The following ITPR2 variants were observed in gnomAD, a reference collection of about 807,000 sequenced individuals.
The protein encoded by ITPR2 is inositol 1,4,5-trisphosphate-gated calcium channel ITPR2.
A neutral mutation model predicts 317.1 loss-of-function variants in ITPR2; 207 were observed. The ratio of observed to expected loss-of-function variants is 0.65; its 90% CI spans 0.58 to 0.73. ITPR2 has a LOEUF of 0.73. Ranked by LOEUF, ITPR2 falls within the 30% of genes least tolerant of loss-of-function variation. The pLI is 0.00. For missense variants in ITPR2, 2,613 were observed against 3,284.0 expected, an observed-to-expected ratio of 0.80 and a Z score of 4.99; for synonymous variants, 1,156 against 1,149.1, an observed-to-expected ratio of 1.01 and a Z score of -0.12.
At chr12:26,662,136 T>G (rs1947518654) in intron 15 of ITPR2, among the ~76,000 whole-genome samples, 1 of 152,208 alleles carries the variant, frequency 6.6e-6, no homozygotes, top group South Asian at 2.1e-4. Flanking sequence ...CAGACCTTTC[T>G]TACTCTTCAA....
At chr12:26,695,572 T>C (rs779917477) in intron 10 of ITPR2, 34 bp downstream of exon 10, 1 of 1,557,728 alleles carries the variant, frequency 6.4e-7, no homozygotes, top group Admixed American at 1.7e-5. Context: ...AACAATATGC[T>C]GAGATTTGTT....
rs1278441841 is a variant in ITPR2 at position 26,782,021 on chromosome 12, TATATATATATATGTATAGAG to T, written c.163+8116_163+8135del. 1.3e-3 allele frequency among the ~76,000 whole-genome samples: 37 copies of T among 29,334 alleles called. 2 individuals carry two copies. The highest frequency in any genetic ancestry group is 3.3e-3 in the African/African-American group (30 of 9,216). The allele number at this position is 29,334 out of a possible 152,430, so 19.2% of individuals were successfully genotyped here. On this transcript the variant is annotated intron_variant, in intron 2 of 56. Coordinates refer to ENST00000381340, the MANE Select transcript of ITPR2 (RefSeq NM_002223.4). The stretch of plus-strand genomic sequence containing the variant: ...ATATATATATATATATATATATATA[TATATATATATATGTATAGAG>T]AGAGAGAGAGAGAGAGAGAGAGAGA...
chr12:26,657,718 A>G lies in ITPR2; in HGVS notation c.2181T>C (p.Leu727=), dbSNP rs777318567. ...KEGTKADLEV[L]TYYRYQLNLF... Reference sequence around the variant, plus strand: ...CTATAATACTTAACCTGTAATAGGTAAGAACTTCTAAGTCAGCTTTGGTGC... The same window carrying G: ...CTATAATACTTAACCTGTAATAGGTGAGAACTTCTAAGTCAGCTTTGGTGC... Residue 727 remains leucine (L), a synonymous_variant, in exon 18 of 57, where the codon CTT becomes CTC. Coordinates refer to ENST00000381340, the MANE Select transcript of ITPR2 (RefSeq NM_002223.4). 8.0e-5 allele frequency: 129 copies of G among 1,613,780 alleles called. No individual in the cohort carries two copies. Among genetic ancestry groups the G allele is most frequent in the Non-Finnish European group, 1.0e-4 (123 of 1,179,792 alleles).
At position 26,550,306 on chromosome 12, in the gene ITPR2, T is replaced by C. The variant is rs544298857; in HGVS notation, c.5014A>G (p.Ile1672Val). 1.3e-6 allele frequency: 2 copies of C among 1,549,682 alleles called. No individual in the cohort carries two copies. The highest frequency in any genetic ancestry group is 1.4e-5 in the African/African-American group (1 of 73,528). Residue 1672 changes from isoleucine (I) to valine (V), a missense_variant, in exon 37 of 57, where the codon ATT becomes GTT. Transcript: ENST00000381340. ...KLMEKEEKLC[I>V]KILQTLREML... ...TCTCGTAATGTCTGAAGAATTTTAATGCACAGTTTTTCTTCTTTCTCCATT... is the reference window on the plus strand; with the variant it reads ...TCTCGTAATGTCTGAAGAATTTTAACGCACAGTTTTTCTTCTTTCTCCATT...
intron 45 of ITPR2, among the ~76,000 whole-genome samples, chr12:26,451,548 T>C (rs1941743085): frequency 6.6e-6 from 1 of 152,166 alleles, no homozygotes; most frequent in African/African-American, 2.4e-5. Flanking sequence ...TCTATTATCT[T>C]TTTAAAAATC....
intron 21 of ITPR2, among the ~76,000 whole-genome samples, chr12:26,647,338 AGAT>A (rs1441519341): frequency 6.6e-6 from 1 of 152,264 alleles, no homozygotes; most frequent in Admixed American, 6.5e-5. Flanking sequence ...GTTCCACAGA[AGAT>A]GTGTAAGTGG....
chr12:26,788,196 A>G (rs1038500361), intron 2 of ITPR2, among the ~76,000 whole-genome samples: 4 of 152,336 alleles, frequency 2.6e-5, no homozygotes, highest in Non-Finnish European at 5.9e-5. Flanking sequence ...TGCTGGGATT[A>G]CAGGTGTGAG....
intron 5 of ITPR2, among the ~76,000 whole-genome samples, chr12:26,720,178 T>C: frequency 6.6e-6 from 1 of 152,158 alleles, no homozygotes; most frequent in East Asian, 1.9e-4. Context: ...CCTTAAGTAA[T>C]AGGAACTATT....
chr12:26,735,377 GA>G (rs1356070356), intron 2 of ITPR2, among the ~76,000 whole-genome samples: 4 of 152,090 alleles, frequency 2.6e-5, no homozygotes, highest in Middle Eastern at 3.2e-3. Flanking sequence ...AATGGAACAG[GA>G]AGAGAAAGGG....
intron 52 of ITPR2, among the ~76,000 whole-genome samples, chr12:26,401,686 C>T (rs144352073): frequency 4.1e-4 from 63 of 152,278 alleles, no homozygotes; most frequent in Admixed American, 2.7e-3. Flanking sequence ...TCAAGGCATG[C>T]GTATAAAAAC....
At position 26,369,202 on chromosome 12, in the gene ITPR2, G is replaced by A. The variant is rs185317288; in HGVS notation, c.7857+18232C>T. Among the ~76,000 whole-genome samples the A allele has an allele frequency of 3.2e-3, 481 of 152,362 alleles. 1 individual carries two copies. Among genetic ancestry groups the A allele is most frequent in the African/African-American group, 0.011 (445 of 41,586 alleles). On this transcript the variant is annotated intron_variant, in intron 55 of 56. Coordinates refer to ENST00000381340, the MANE Select transcript of ITPR2 (RefSeq NM_002223.4). ...CAGAGCTTGTAGGACTGGACAAGAA[G>A]GTTCGGGTTTATTCTATGTAGAGTA...
At chr12:26,456,848 T>G (rs948153861) in intron 45 of ITPR2, among the ~76,000 whole-genome samples, 1 of 152,112 alleles carries the variant, frequency 6.6e-6, no homozygotes, top group Non-Finnish European at 1.5e-5. Context: ...AATTTTTGTA[T>G]TTTTTACTAG....
chr12:26,736,283 C>T (rs948283084), intron 2 of ITPR2, among the ~76,000 whole-genome samples: 1 of 152,024 alleles, frequency 6.6e-6, no homozygotes, highest in East Asian at 1.9e-4. Context: ...GGGAAAGGCA[C>T]CTTTTAGCTT....
At chr12:26,342,518 GGT>G (rs1938162226) in intron 55 of ITPR2, among the ~76,000 whole-genome samples, 1 of 75,322 alleles carries the variant, frequency 1.3e-5, no homozygotes, top group Non-Finnish European at 2.7e-5. Context: ...GGGGGGCGGG[GGT>G]CAGATCCCTC....
At chr12:26,668,776 G>C (rs954383618) in intron 13 of ITPR2, among the ~76,000 whole-genome samples, 1 of 151,514 alleles carries the variant, frequency 6.6e-6, no homozygotes, top group Non-Finnish European at 1.5e-5. Flanking sequence ...TTTTAAAAAG[G>C]CCAATATAAA....
chr12:26,552,398 C>A lies in ITPR2; in HGVS notation c.4965-2043G>T, dbSNP rs149940162. ...AGAGATAGGGTCTTGCTTTGTGGCC[C>A]AGGCTGGTTTCAAACTCAAGGGATC... On this transcript the variant is annotated intron_variant, in intron 36 of 56. Coordinates refer to ENST00000381340, the MANE Select transcript of ITPR2 (RefSeq NM_002223.4). Among the ~76,000 whole-genome samples the A allele has an allele frequency of 3.9e-5, 6 of 152,240 alleles. 1 individual carries two copies. In the East Asian group the frequency reaches 1.2e-3, roughly 29 times the overall value.
At chr12:26,661,417 A>G (rs1375312257) in intron 15 of ITPR2, among the ~76,000 whole-genome samples, 2 of 152,118 alleles carry the variant, frequency 1.3e-5, no homozygotes, top group Non-Finnish European at 2.9e-5. Context: ...CTTGAGAGAC[A>G]GAACTGACAC....
intron 1 of ITPR2, among the ~76,000 whole-genome samples, chr12:26,795,000 C>T (rs1950406577): frequency 6.6e-6 from 1 of 152,204 alleles, no homozygotes; most frequent in Admixed American, 6.5e-5. Context: ...TGCTAACTGA[C>T]TTTTGTCGAT....
At chr12:26,767,637 T>C (rs1949746741) in intron 2 of ITPR2, among the ~76,000 whole-genome samples, 1 of 152,232 alleles carries the variant, frequency 6.6e-6, no homozygotes, top group Admixed American at 6.5e-5. Flanking sequence ...TACATGCATA[T>C]ATATTTTAGA....
Sources: allele counts gnomAD v4.1 joint callset (sites outside exome capture counted in the v4.1 genomes callset), GRCh38; gene constraint gnomAD v4.1.1; transcripts MANE v1.5; gene names NCBI Gene and HGNC (gene_info 2026-07-23, HGNC 2026-07-21).